ASIC2: variants seen among roughly 807,000 people sequenced by gnomAD.
The protein encoded by ASIC2 is acid sensing ion channel subunit 2.
A neutral mutation model predicts 57.3 loss-of-function variants in ASIC2; 25 were observed. That is an observed-to-expected ratio of 0.44 (90% CI 0.32 to 0.61). The LOEUF (loss-of-function observed/expected upper bound fraction) is 0.61. ASIC2 is among the 20% of genes least tolerant of loss of function. The probability of loss-of-function intolerance (pLI) is 0.06; values close to 1 mark genes in which losing one functional copy is unlikely to be tolerated. For synonymous variants in ASIC2, 319 were observed against 307.5 expected (o/e 1.04, Z -0.39); for missense variants, 641 against 738.1 (o/e 0.87, Z 1.52).
At chr17:33,196,314 T>C (rs1906626436) in intron 1 of ASIC2, among the ~76,000 whole-genome samples, 1 of 143,252 alleles carries the variant, frequency 7.0e-6, no homozygotes, top group Non-Finnish European at 1.5e-5. Flanking sequence ...ACGATGATGA[T>C]GACGATGATG....
chr17:33,840,786 G>A (rs1913412771), intron 1 of ASIC2, among the ~76,000 whole-genome samples: 1 of 97,658 alleles, frequency 1.0e-5, no homozygotes, highest in Non-Finnish European at 2.2e-5. Context: ...ATTCCTTTAG[G>A]TACCTGGACA....
intron 1 of ASIC2, among the ~76,000 whole-genome samples, chr17:33,490,895 C>T (rs902525795): frequency 3.3e-5 from 5 of 152,168 alleles, no homozygotes; most frequent in Non-Finnish European, 7.3e-5. Context: ...TTGTGTTTGT[C>T]TTGGTCCTAT....
In ASIC2 at chr17:33,104,540, C is replaced by T. The variant is rs146883530; in HGVS notation, c.859+7377G>A. 2.8e-4 allele frequency among the ~76,000 whole-genome samples: 42 copies of T among 152,344 alleles called. No individual in the cohort carries two copies. In the East Asian group the frequency reaches 7.9e-3, roughly 29 times the overall value. On this transcript the variant is annotated intron_variant, in intron 2 of 9. Coordinates refer to ENST00000225823, the MANE Select transcript of ASIC2 (RefSeq NM_183377.2). ...AAGGGAGAAAGCAAACGGGGGTTTC[C>T]ATCTCCAGTGGGATCAGAGCCATGT...
intron 1 of ASIC2, among the ~76,000 whole-genome samples, chr17:33,246,603 G>C (rs1908697866): frequency 6.6e-6 from 1 of 152,200 alleles, no homozygotes; most frequent in South Asian, 2.1e-4. Context: ...CCCTGCTCAG[G>C]AGGAAATAAG....
intron 1 of ASIC2, among the ~76,000 whole-genome samples, chr17:33,641,553 C>T (rs1468984525): frequency 6.6e-6 from 1 of 152,214 alleles, no homozygotes; most frequent in Non-Finnish European, 1.5e-5. Flanking sequence ...ACATTCCAGA[C>T]TCCTTGTCCA....
At chr17:33,643,337 T>A (rs1906642390) in intron 1 of ASIC2, among the ~76,000 whole-genome samples, 1 of 152,248 alleles carries the variant, frequency 6.6e-6, no homozygotes, top group Non-Finnish European at 1.5e-5. Context: ...ATAAAAACTA[T>A]CTTTGCTGCA....
intron 1 of ASIC2, among the ~76,000 whole-genome samples, chr17:33,799,405 T>TC (rs67246448): frequency 3.7e-5 from 2 of 54,142 alleles, no homozygotes; most frequent in Admixed American, 1.8e-4. Flanking sequence ...TTTCTTTCTT[T>TC]TCTTTCTTTC....
At chr17:33,952,929 T>C (rs1225507945) in intron 1 of ASIC2, among the ~76,000 whole-genome samples, 2 of 152,170 alleles carry the variant, frequency 1.3e-5, no homozygotes, top group African/African-American at 2.4e-5. Context: ...TATAAAAGGT[T>C]GGAAGAAAAT....
At chr17:33,166,535 GC>G (rs1905312262) in intron 1 of ASIC2, among the ~76,000 whole-genome samples, 2 of 152,300 alleles carry the variant, frequency 1.3e-5, no homozygotes, top group South Asian at 4.1e-4. Context: ...CCTGAACTCT[GC>G]CCCCTCCCTA....
At chr17:33,220,587 A>G (rs532109793) in intron 1 of ASIC2, among the ~76,000 whole-genome samples, 1 of 152,322 alleles carries the variant, frequency 6.6e-6, no homozygotes, top group East Asian at 1.9e-4. Context: ...GTCTTTATCT[A>G]TGGAAAAATA....
intron 1 of ASIC2, among the ~76,000 whole-genome samples, chr17:33,837,645 T>C (rs1045038646): frequency 6.6e-6 from 1 of 152,220 alleles, no homozygotes; most frequent in Non-Finnish European, 1.5e-5. Flanking sequence ...GTGGGCATAG[T>C]AGTCTATTGT....
At chr17:33,860,275 G>T (rs188411103) in intron 1 of ASIC2, among the ~76,000 whole-genome samples, 2 of 152,188 alleles carry the variant, frequency 1.3e-5, no homozygotes, top group African/African-American at 4.8e-5. Context: ...GAAGAGAAGG[G>T]CAGGCTGCCT....
At chr17:33,282,444 T>A (rs930588303) in intron 1 of ASIC2, among the ~76,000 whole-genome samples, 1 of 121,706 alleles carries the variant, frequency 8.2e-6, no homozygotes, top group Non-Finnish European at 1.7e-5. Flanking sequence ...TTTCTCCAAC[T>A]CTGTGTGTAT....
chr17:34,053,942 C>G (rs1391575293), intron 1 of ASIC2, among the ~76,000 whole-genome samples: 3 of 152,238 alleles, frequency 2.0e-5, no homozygotes. Context: ...ACCTATAAGA[C>G]CTCCATTCTG....
intron 1 of ASIC2, among the ~76,000 whole-genome samples, chr17:33,399,575 C>T: frequency 6.6e-6 from 1 of 152,340 alleles, no homozygotes. Context: ...CCACAGCATG[C>T]TGGCCACCAT....
intron 1 of ASIC2, among the ~76,000 whole-genome samples, chr17:33,458,392 G>T (rs1368238864): frequency 6.6e-6 from 1 of 152,148 alleles, no homozygotes; most frequent in Non-Finnish European, 1.5e-5. Context: ...TGTAGGGAAA[G>T]ATTTTTAAAA....
chr17:33,939,066 T>A (rs563698353), intron 1 of ASIC2, among the ~76,000 whole-genome samples: 1 of 152,364 alleles, frequency 6.6e-6, no homozygotes, highest in South Asian at 2.1e-4. Flanking sequence ...AAGGCTTACT[T>A]TTCATGGTCC....
chr17:34,058,936 G>A (rs1270299272), intron 1 of ASIC2, among the ~76,000 whole-genome samples: 1 of 152,238 alleles, frequency 6.6e-6, no homozygotes, highest in Non-Finnish European at 1.5e-5. Context: ...GAAGGAACTT[G>A]TTCAAGTTCA....
chr17:33,765,183 G>A (rs911988035), intron 1 of ASIC2, among the ~76,000 whole-genome samples: 1 of 152,038 alleles, frequency 6.6e-6, no homozygotes, highest in Admixed American at 6.5e-5. Context: ...TTGGCTCACT[G>A]CAAGCTCCGC....
Sources: allele counts gnomAD v4.1 joint callset (sites outside exome capture counted in the v4.1 genomes callset), GRCh38; gene constraint gnomAD v4.1.1; transcripts MANE v1.5; gene names NCBI Gene and HGNC (gene_info 2026-07-23, HGNC 2026-07-21).